C11orf65: variants seen among roughly 807,000 people sequenced by gnomAD.
The protein encoded by C11orf65 is protein MFI.
Under a neutral mutation model 35.3 loss-of-function variants are expected in C11orf65, and 38 were observed. The ratio of observed to expected loss-of-function variants is 1.08; its 90% CI spans 0.83 to 1.41. C11orf65 has a LOEUF of 1.41. Ranked by LOEUF, C11orf65 falls within the 40% of genes most tolerant of loss-of-function variation. The pLI is 0.00. For missense variants in C11orf65, 370 were observed against 367.1 expected (o/e 1.01, Z -0.06); for synonymous variants, 105 against 114.4 (o/e 0.92, Z 0.53).
rs1555113708 is a variant in C11orf65 at position 108,316,020 on chromosome 11, A to G, written c.641-6949T>C. The G allele has an allele frequency of 1.2e-6, 2 of 1,614,070 alleles. No homozygotes were observed. The highest frequency in any genetic ancestry group is 2.2e-5 in the East Asian group (1 of 44,886). On this transcript the variant is annotated intron_variant, in intron 6 of 6. Coordinates refer to the C11orf65 transcript ENST00000525729. The stretch of plus-strand genomic sequence containing the variant: ...CAATCTTTTCTTATAGACTACGAAC[A>G]TATGAACACGAAGCAATGTGGGGCA...
intron 6 of C11orf65, among the ~76,000 whole-genome samples, chr11:108,319,231 A>G (rs2085009460): frequency 6.6e-6 from 1 of 152,216 alleles, no homozygotes; most frequent in Non-Finnish European, 1.5e-5. Context: ...TAAGACTGCT[A>G]TAAAATTAGA....
At chr11:108,335,312 A>T in intron 2 of C11orf65, 1 of 1,468,722 alleles carries the variant, frequency 6.8e-7, no homozygotes, top group Non-Finnish European at 9.1e-7. Context: ...AATCATTATT[A>T]TATGGTTGAT....
chr11:108,457,502 G>A (rs1281802886), intron 2 of C11orf65, among the ~76,000 whole-genome samples: 1 of 151,928 alleles, frequency 6.6e-6, no homozygotes, highest in African/African-American at 2.4e-5. Flanking sequence ...AACTCAGCTG[G>A]GTGTGGTAGT....
intron 2 of C11orf65, among the ~76,000 whole-genome samples, chr11:108,456,048 G>T (rs1219454849): frequency 6.6e-6 from 1 of 151,982 alleles, no homozygotes; most frequent in Non-Finnish European, 1.5e-5. Flanking sequence ...CCAGCTATTT[G>T]GGAGGCTGAG....
At chr11:108,318,892 T>C (rs1255601751) in intron 6 of C11orf65, among the ~76,000 whole-genome samples, 2 of 152,038 alleles carry the variant, frequency 1.3e-5, no homozygotes, top group African/African-American at 2.4e-5. Flanking sequence ...AAAAAAATTA[T>C]TGGCCGAGCG....
chr11:108,341,092 C>A (rs1285843893), intron 2 of C11orf65, among the ~76,000 whole-genome samples: 1 of 151,968 alleles, frequency 6.6e-6, no homozygotes, highest in African/African-American at 2.4e-5. Flanking sequence ...TGCTGTTCTC[C>A]CTCCAGCCTT....
intron 6 of C11orf65, among the ~76,000 whole-genome samples, chr11:108,316,688 T>A (rs1159604344): frequency 5.5e-5 from 8 of 144,452 alleles, no homozygotes; most frequent in African/African-American, 2.1e-4. Context: ...GGCGAGCAGA[T>A]CACGAGGTCA....
chr11:108,330,845 TA>T (rs2086172877), downstream of C11orf65, among the ~76,000 whole-genome samples: 1 of 152,228 alleles, frequency 6.6e-6, no homozygotes, highest in Admixed American at 6.5e-5. Flanking sequence ...CTTTTGTAAG[TA>T]GAGAAAATAT....
intron 2 of C11orf65, among the ~76,000 whole-genome samples, chr11:108,437,111 G>GGA (rs67635694): frequency 6.3e-5 from 1 of 15,972 alleles, no homozygotes; most frequent in East Asian, 4.2e-3. Flanking sequence ...AAAAAAAAAA[G>GGA]GGGGGGGGTG....
At chr11:108,381,393 A>G (rs865839187), downstream of C11orf65, among the ~76,000 whole-genome samples, 10 of 152,150 alleles carry the variant, frequency 6.6e-5, no homozygotes, top group Non-Finnish European at 7.4e-5. Flanking sequence ...TGAACCTAGA[A>G]CTATGATTGC....
At chr11:108,366,407 G>GT (rs1322974277) in intron 2 of C11orf65, 14 of 217,232 alleles carry the variant, frequency 6.4e-5, no homozygotes, top group Non-Finnish European at 1.3e-4. Context: ...TTTTTTTAAT[G>GT]TTTTTTATGT....
intron 2 of C11orf65, among the ~76,000 whole-genome samples, chr11:108,361,517 T>G (rs966905083): frequency 3.1e-4 from 47 of 152,108 alleles, no homozygotes; most frequent in African/African-American, 1.1e-3. Flanking sequence ...AGAACAAAGC[T>G]GGAGGCATCA....
chr11:108,334,152 TCC>T lies in C11orf65; in HGVS notation c.299+1066_299+1067del, dbSNP rs984385407. On this transcript the variant is annotated intron_variant, in intron 3 of 3. Coordinates refer to the C11orf65 transcript ENST00000524755. ...AAGCCCTAAAATACTCAAAAGCTTC[TCC>T]TGCTTTCTTTTCCATTGCCTTCTGT... 3.5e-4 allele frequency among the ~76,000 whole-genome samples: 53 copies of T among 152,312 alleles called. 1 individual carries two copies. The highest frequency in any genetic ancestry group is 3.1e-3 in the Admixed American group (48 of 15,294).
intron 1 of C11orf65, among the ~76,000 whole-genome samples, chr11:108,465,346 T>C (rs971124409): frequency 1.3e-5 from 2 of 152,214 alleles, no homozygotes; most frequent in Admixed American, 1.3e-4. Flanking sequence ...TATATGTTTA[T>C]GAATACACAA....
At chr11:108,327,048 G>A (rs549009869), downstream of C11orf65, among the ~76,000 whole-genome samples, 94 of 152,088 alleles carry the variant, frequency 6.2e-4, no homozygotes, top group Admixed American at 1.9e-3. Flanking sequence ...GACTGGTCTC[G>A]AACTCCTGAG....
At chr11:108,404,945 C>T (rs1469642815) in intron 6 of C11orf65, among the ~76,000 whole-genome samples, 1 of 152,152 alleles carries the variant, frequency 6.6e-6, no homozygotes, top group East Asian at 1.9e-4. Context: ...TTCACATGAC[C>T]TCGGTAACAG....
chr11:108,466,745 T>C (rs2093543999), intron 1 of C11orf65, among the ~76,000 whole-genome samples: 1 of 152,236 alleles, frequency 6.6e-6, no homozygotes. Context: ...GATGATGTTT[T>C]CACTTATTTA....
intron 6 of C11orf65, among the ~76,000 whole-genome samples, chr11:108,400,190 G>C (rs1003922311): frequency 6.6e-6 from 1 of 152,202 alleles, no homozygotes; most frequent in African/African-American, 2.4e-5. Flanking sequence ...CTCAAATCGA[G>C]AGAGGGCCTC....
At chr11:108,395,629 T>C (rs902248975) in intron 6 of C11orf65, among the ~76,000 whole-genome samples, 4 of 126,942 alleles carry the variant, frequency 3.2e-5, no homozygotes, top group African/African-American at 9.3e-5. Flanking sequence ...AATTTTTTTT[T>C]TTTTTTTTTG....
Sources: gnomAD v4.1 joint callset for allele counts (sites outside exome capture counted in the v4.1 genomes callset) on GRCh38, gnomAD v4.1.1 for gene constraint, MANE v1.5 for transcripts, NCBI Gene and HGNC (gene_info 2026-07-23, HGNC 2026-07-21) for gene names.